Variants in FNDC3A observed in about 807,000 individuals in gnomAD.
FNDC3A encodes fibronectin type-III domain-containing protein 3A.
Under a neutral mutation model 148.9 loss-of-function variants are expected in FNDC3A, and 32 were observed. That is an observed-to-expected ratio of 0.21 (90% CI 0.16 to 0.29). The LOEUF is 0.29. FNDC3A is among the 10% of genes least tolerant of loss of function. The probability of loss-of-function intolerance (pLI) is 1.00; values close to 1 mark genes in which losing one functional copy is unlikely to be tolerated. For synonymous variants in FNDC3A, 472 were observed against 473.6 expected, an observed-to-expected ratio of 1.00 and a Z score of 0.04; for missense variants, 1,191 against 1,452.8, an observed-to-expected ratio of 0.82 and a Z score of 2.93.
At chr13:49,039,497 A>G (rs1013378308) in intron 2 of FNDC3A, among the ~76,000 whole-genome samples, 1 of 152,102 alleles carries the variant, frequency 6.6e-6, no homozygotes, top group African/African-American at 2.4e-5. Context: ...CCCCAAGTAA[A>G]TAATTTTATA....
At chr13:49,087,787 T>C (rs987621246) in intron 3 of FNDC3A, among the ~76,000 whole-genome samples, 3 of 152,152 alleles carry the variant, frequency 2.0e-5, no homozygotes, top group African/African-American at 7.2e-5. Context: ...TATGTGTAAG[T>C]AAAATAAAAT....
At chr13:49,129,361 C>A (rs1391837386) in intron 4 of FNDC3A, among the ~76,000 whole-genome samples, 1 of 152,206 alleles carries the variant, frequency 6.6e-6, no homozygotes, top group Non-Finnish European at 1.5e-5. Context: ...AAGAACGATA[C>A]AACTTAGAAG....
chr13:49,072,772 C>T (rs1474055420), intron 2 of FNDC3A, among the ~76,000 whole-genome samples: 7 of 152,138 alleles, frequency 4.6e-5, no homozygotes, highest in Non-Finnish European at 1.5e-5. Flanking sequence ...GCATGAGCCA[C>T]CATGCCCAGC....
rs550177732 is a variant in FNDC3A, at chr13:49,010,900, TTAAC to T, written c.99+4614_99+4617del. Among the ~76,000 whole-genome samples, 381 of 152,368 alleles carry T rather than the reference TTAAC, an allele frequency of 2.5e-3. 1 individual carries two copies. The highest frequency in any genetic ancestry group is 0.01 in the Middle Eastern group (3 of 294). ...GATATTTACATAAATTAAACTTGGT[TTAAC>T]TATTCTTTTGTGACTTGCTGGTCTT... is the stretch of plus-strand genomic sequence containing the variant. On this transcript the variant is annotated intron_variant, in intron 2 of 25. Transcript: ENST00000492622.
intron 1 of FNDC3A, among the ~76,000 whole-genome samples, chr13:48,992,566 T>C (rs1026100449): frequency 2.6e-5 from 4 of 152,170 alleles, no homozygotes; most frequent in Admixed American, 6.5e-5. Flanking sequence ...ATGCAAAGTC[T>C]CCAGTTTACA....
Position 48,986,713 on chromosome 13 carries a change from AAG to A in FNDC3A, c.-40+10538_-40+10539del, listed in dbSNP as rs149299186. On this transcript the variant is annotated intron_variant, in intron 1 of 25. Transcript: ENST00000492622. ...GCCTGGCCCGGAAGGTTTTTTTAAA[AAG>A]AAGTTGAAGGAAGATGAGTATGATT... 7.9e-3 allele frequency among the ~76,000 whole-genome samples: 1,198 copies of A among 152,110 alleles called. 7 individuals are homozygous for A. Among genetic ancestry groups the A allele is most frequent in the Non-Finnish European group, 0.011 (749 of 67,988 alleles).
chr13:49,141,884 A>G (rs1414630477), intron 7 of FNDC3A, among the ~76,000 whole-genome samples: 1 of 152,138 alleles, frequency 6.6e-6, no homozygotes, highest in East Asian at 1.9e-4. Flanking sequence ...ACCACCTAGA[A>G]GTGGATTCAG....
intron 3 of FNDC3A, among the ~76,000 whole-genome samples, chr13:49,092,565 C>T (rs1879255840): frequency 6.6e-6 from 1 of 152,124 alleles, no homozygotes; most frequent in South Asian, 2.1e-4. Flanking sequence ...TACTTTGTAT[C>T]CTTCAATCCA....
At chr13:49,123,524 T>A (rs971206295) in intron 4 of FNDC3A, among the ~76,000 whole-genome samples, 2 of 151,984 alleles carry the variant, frequency 1.3e-5, no homozygotes, top group African/African-American at 4.8e-5. Context: ...AAGAGCTTCT[T>A]CTGTACAGCA....
At chr13:49,079,432 TA>T (rs1465540460) in intron 3 of FNDC3A, among the ~76,000 whole-genome samples, 6 of 152,150 alleles carry the variant, frequency 3.9e-5, no homozygotes, top group Non-Finnish European at 8.8e-5. Flanking sequence ...CAGTGGTATG[TA>T]AAGAAAAAAT....
At chr13:49,110,257 GTCACGTGAC>G in intron 3 of FNDC3A, 1 of 1,198,600 alleles carries the variant, frequency 8.3e-7, no homozygotes, top group Non-Finnish European at 1.1e-6. Flanking sequence ...CGTGATGACT[GTCACGTGAC>G]TCGGTCAAAG....
At chr13:49,143,676 C>T (rs1050753191) in intron 7 of FNDC3A, among the ~76,000 whole-genome samples, 8 of 152,068 alleles carry the variant, frequency 5.3e-5, no homozygotes, top group African/African-American at 1.9e-4. Context: ...ATTTGTGTAA[C>T]TCTGGTAAAC....
At chr13:49,125,241 A>G (rs973332698) in intron 4 of FNDC3A, among the ~76,000 whole-genome samples, 6 of 152,158 alleles carry the variant, frequency 3.9e-5, no homozygotes, top group African/African-American at 1.4e-4. Flanking sequence ...TCTCCTGGGG[A>G]CAACAGCCAA....
intron 2 of FNDC3A, among the ~76,000 whole-genome samples, chr13:49,037,174 C>A (rs770168275): frequency 7.9e-5 from 12 of 152,156 alleles, no homozygotes; most frequent in African/African-American, 2.7e-4. Flanking sequence ...AAAAATAATA[C>A]TACTAAGAGC....
Position 49,141,875 on chromosome 13 carries a change from C to T in FNDC3A, c.819+3070C>T, listed in dbSNP as rs557620205. 5.9e-5 allele frequency among the ~76,000 whole-genome samples: 9 copies of T among 152,200 alleles called. No individual in the cohort carries two copies. In the South Asian group the frequency reaches 1.5e-3, roughly 25 times the overall value. On this transcript the variant is annotated intron_variant, in intron 7 of 25. Transcript: ENST00000492622. ...ACACAATCATACCTATTTTCAGCTACCACCTAGAAGTGGATTCAGAGTGGG... is the reference window on the plus strand; with the variant it reads ...ACACAATCATACCTATTTTCAGCTATCACCTAGAAGTGGATTCAGAGTGGG...
chr13:49,174,847 G>A (rs886928615), intron 12 of FNDC3A, among the ~76,000 whole-genome samples: 1 of 152,128 alleles, frequency 6.6e-6, no homozygotes, highest in Non-Finnish European at 1.5e-5. Context: ...TGTGATGACA[G>A]TATTTTGTTT....
chr13:49,028,654 A>C (rs1873898372), intron 2 of FNDC3A, among the ~76,000 whole-genome samples: 1 of 152,250 alleles, frequency 6.6e-6, no homozygotes, highest in Non-Finnish European at 1.5e-5. Context: ...ACTTTAAGTC[A>C]GAAAAGTTAC....
Position 49,175,492 on chromosome 13 carries a change from C to G in FNDC3A, c.1481C>G (p.Pro494Arg). Residue 494 changes from proline to arginine, a missense_variant, in exon 13 of 26, where the codon CCA becomes CGA. Physicochemically the swap from Pro to Arg is moderately radical, Grantham distance 103. This residue lies in a region of FNDC3A where 751 missense variants were observed against 944.0 expected (regional missense o/e 0.80). Transcript: ENST00000492622. Reference sequence around the variant, plus strand: ...CAATGGAGTAAGCCCTCAGGAACACCATCAGATGAAGGAATTTCTTACATT... The same window carrying G: ...CAATGGAGTAAGCCCTCAGGAACACGATCAGATGAAGGAATTTCTTACATT... ...SLQWSKPSGT[P>R]SDEGISYILE... The G allele has an allele frequency of 6.2e-7, 1 of 1,611,852 alleles. No homozygotes were observed. The highest frequency in any genetic ancestry group is 1.1e-5 in the South Asian group (1 of 90,714).
chr13:49,011,299 T>A (rs1952339165), intron 2 of FNDC3A, among the ~76,000 whole-genome samples: 1 of 152,048 alleles, frequency 6.6e-6, no homozygotes. Context: ...AGTGGCGTGA[T>A]CTCGGCTCAC....
Sources: gnomAD v4.1 joint callset for allele counts (sites outside exome capture counted in the v4.1 genomes callset) on GRCh38, gnomAD v4.1.1 for gene constraint, gnomAD v4.1.1 regional missense constraint, MANE v1.5 for transcripts, NCBI Gene and HGNC (gene_info 2026-07-23, HGNC 2026-07-21) for gene names.